The following ARMH3 variants were observed in gnomAD, a reference collection of about 807,000 sequenced individuals.
The protein encoded by ARMH3 is armadillo like helical domain containing 3.
Under a neutral mutation model 99.1 loss-of-function variants are expected in ARMH3, and 60 were observed. The observed-to-expected ratio is 0.61, with a 90% CI of 0.49 to 0.75. The LOEUF is 0.75. Ranked by LOEUF, ARMH3 falls within the 30% of genes least tolerant of loss-of-function variation. The probability of loss-of-function intolerance (pLI) is 0.00; values close to 1 mark genes in which losing one functional copy is unlikely to be tolerated. For missense variants in ARMH3, 679 were observed against 843.1 expected (o/e 0.81, Z 2.41); for synonymous variants, 285 against 292.8 (o/e 0.97, Z 0.27).
chr10:101,904,586 CCTTTCGGCCGT>C (rs1248192122), intron 23 of ARMH3, among the ~76,000 whole-genome samples: 1 of 151,952 alleles, frequency 6.6e-6, no homozygotes, highest in Non-Finnish European at 1.5e-5. Flanking sequence ...ATAATTAAAG[CCTTTCGGCCGT>C]CTTCCTGTTA....
At chr10:101,850,423 T>TC (rs1373890968) in intron 24 of ARMH3, among the ~76,000 whole-genome samples, 209 of 137,754 alleles carry the variant, frequency 1.5e-3, no homozygotes, top group Non-Finnish European at 2.5e-3. Context: ...TCTCTCTCTC[T>TC]TTTTTTTTTT....
At chr10:102,002,113 T>G (rs751713396) in intron 14 of ARMH3, 41 bp from the exon 15 acceptor site, 5 of 1,608,698 alleles carry the variant, frequency 3.1e-6, no homozygotes, top group Non-Finnish European at 4.2e-6. Flanking sequence ...CTGCAACATA[T>G]TCCATCTAAC....
At chr10:102,001,577 C>T (rs992208040) in intron 15 of ARMH3, among the ~76,000 whole-genome samples, 11 of 152,278 alleles carry the variant, frequency 7.2e-5, no homozygotes, top group African/African-American at 2.4e-4. Flanking sequence ...GTACTGTGTA[C>T]GACAGTCCTC....
intron 14 of ARMH3, among the ~76,000 whole-genome samples, chr10:102,005,814 G>A (rs1201548154): frequency 6.6e-6 from 1 of 152,088 alleles, no homozygotes; most frequent in Non-Finnish European, 1.5e-5. Flanking sequence ...ATTTATGAAG[G>A]GGAAATTTTC....
chr10:102,029,953 G>C (rs1327848570), intron 4 of ARMH3, among the ~76,000 whole-genome samples: 1 of 150,266 alleles, frequency 6.7e-6, no homozygotes, highest in Non-Finnish European at 1.5e-5. Flanking sequence ...ACAAGGTCTC[G>C]CTCTTCACCA....
intron 22 of ARMH3, among the ~76,000 whole-genome samples, chr10:101,954,854 T>G (rs1043817562): frequency 1.3e-5 from 2 of 152,218 alleles, no homozygotes; most frequent in Admixed American, 1.3e-4. Context: ...ATTTGGACAT[T>G]CACAGGTATC....
chr10:102,053,512 G>C (rs1283514052), intron 1 of ARMH3, among the ~76,000 whole-genome samples: 3 of 151,958 alleles, frequency 2.0e-5, no homozygotes, highest in Non-Finnish European at 4.4e-5. Context: ...TAGGATTACA[G>C]GTATAAGCCA....
chr10:101,857,314 C>T (rs1382407740), intron 24 of ARMH3, among the ~76,000 whole-genome samples: 7 of 152,008 alleles, frequency 4.6e-5, no homozygotes, highest in African/African-American at 1.7e-4. Flanking sequence ...AAAAATTTGC[C>T]GGGAGTGGTG....
At chr10:101,994,369 A>T (rs985639286) in intron 16 of ARMH3, among the ~76,000 whole-genome samples, 3 of 152,222 alleles carry the variant, frequency 2.0e-5, no homozygotes, top group Non-Finnish European at 4.4e-5. Flanking sequence ...AAAGGAGGTC[A>T]TCTTTCCACA....
chr10:101,849,657 C>T (rs1179374806), intron 25 of ARMH3, 119 bp downstream of exon 25: 1 of 773,036 alleles, frequency 1.3e-6, no homozygotes, highest in South Asian at 1.7e-5. Flanking sequence ...AGTTGCATAC[C>T]CCATCCCAGC....
At chr10:101,961,687 C>T (rs574568949) in intron 20 of ARMH3, among the ~76,000 whole-genome samples, 1 of 152,144 alleles carries the variant, frequency 6.6e-6, no homozygotes, top group Non-Finnish European at 1.5e-5. Context: ...ACCCCCTCTA[C>T]ATACACACAC....
intron 20 of ARMH3, among the ~76,000 whole-genome samples, chr10:101,967,043 C>T (rs752185937): frequency 2.0e-5 from 3 of 152,194 alleles, no homozygotes; most frequent in Admixed American, 6.5e-5. Flanking sequence ...TCTATTTGAG[C>T]AGCTTTTACA....
intron 24 of ARMH3, among the ~76,000 whole-genome samples, chr10:101,874,241 T>C (rs932872907): frequency 2.0e-5 from 3 of 152,136 alleles, no homozygotes; most frequent in Non-Finnish European, 2.9e-5. Flanking sequence ...TACATAAACA[T>C]ATTTTATTAT....
At position 101,851,398 on chromosome 10, in the gene ARMH3, G is replaced by C. The variant is rs149926498; in HGVS notation, c.1861-1506C>G. 2.7e-3 allele frequency among the ~76,000 whole-genome samples: 413 copies of C among 152,318 alleles called. 4 individuals carry two copies. The highest frequency in any genetic ancestry group is 9.0e-3 in the African/African-American group (376 of 41,568). The stretch of plus-strand genomic sequence containing the variant: ...GATCATTCACTCTGATCATCGGAGT[G>C]AAGTTGATCTGACCTGGAGGAAAGC... On this transcript the variant is annotated intron_variant, in intron 24 of 25. Coordinates refer to ENST00000370033, the MANE Select transcript of ARMH3 (RefSeq NM_024541.3).
intron 23 of ARMH3, among the ~76,000 whole-genome samples, chr10:101,911,841 G>C (rs1438517945): frequency 3.3e-5 from 5 of 152,102 alleles, no homozygotes. Flanking sequence ...TTCTAGACCA[G>C]CCTGGCCAAC....
chr10:101,849,061 G>C (rs958798956), intron 25 of ARMH3, among the ~76,000 whole-genome samples: 1 of 152,198 alleles, frequency 6.6e-6, no homozygotes, highest in Non-Finnish European at 1.5e-5. Flanking sequence ...CTGAGCTGAC[G>C]CAAGTTCAGC....
chr10:101,861,123 T>A (rs1440674461), intron 24 of ARMH3, among the ~76,000 whole-genome samples: 1 of 151,896 alleles, frequency 6.6e-6, no homozygotes. Context: ...CCCATTAACA[T>A]AATAAAGAGA....
intron 23 of ARMH3, among the ~76,000 whole-genome samples, chr10:101,910,967 C>T (rs895363886): frequency 7.2e-5 from 11 of 151,954 alleles, no homozygotes; most frequent in South Asian, 6.2e-4. Context: ...TGGTGAAACC[C>T]CATCTCTACT....
intron 15 of ARMH3, among the ~76,000 whole-genome samples, chr10:102,000,026 T>C (rs1386619168): frequency 1.3e-5 from 2 of 152,094 alleles, no homozygotes; most frequent in African/African-American, 4.8e-5. Flanking sequence ...GAGGTTGCAG[T>C]GAGCCTTGGT....
Sources: allele counts gnomAD v4.1 joint callset (sites outside exome capture counted in the v4.1 genomes callset), GRCh38; gene constraint gnomAD v4.1.1; transcripts MANE v1.5; gene names NCBI Gene and HGNC (gene_info 2026-07-23, HGNC 2026-07-21).